CCDC102B: variants seen among roughly 807,000 people sequenced by gnomAD.
The protein encoded by CCDC102B is coiled-coil domain containing 102B.
Under a neutral mutation model 57.4 loss-of-function variants are expected in CCDC102B, and 75 were observed. The observed-to-expected ratio is 1.31, with a 90% CI of 1.08 to 1.58. The LOEUF (loss-of-function observed/expected upper bound fraction) is 1.58. Ranked by LOEUF, CCDC102B falls within the 40% of genes most tolerant of loss-of-function variation. The probability of loss-of-function intolerance (pLI) is 0.00; values close to 1 mark genes in which losing one functional copy is unlikely to be tolerated. For missense variants in CCDC102B, 636 were observed against 582.6 expected, an observed-to-expected ratio of 1.09 and a Z score of -0.94; for synonymous variants, 206 against 201.9, an observed-to-expected ratio of 1.02 and a Z score of -0.17.
intron 2 of CCDC102B, among the ~76,000 whole-genome samples, chr18:68,741,635 T>G (rs1009707591): frequency 6.7e-6 from 1 of 148,300 alleles, no homozygotes; most frequent in Non-Finnish European, 1.5e-5. Flanking sequence ...AAAGGTCCCT[T>G]ACCCCAAATT....
rs1045210247 is a variant in CCDC102B at position 68,751,104 on chromosome 18, G to T, written c.-67+34510G>T. Among the ~76,000 whole-genome samples, 22 of 151,972 alleles carry T rather than the reference G, an allele frequency of 1.4e-4. No individual in the cohort carries two copies. In the East Asian group the frequency reaches 3.5e-3, roughly 24 times the overall value. On this transcript the variant is annotated intron_variant, in intron 2 of 3. Coordinates refer to the CCDC102B transcript ENST00000578970. The stretch of plus-strand genomic sequence containing the variant: ...ATAAAACAATAGAAAATAAAAAAGA[G>T]AAAGATATAGAGAAGATAGAAGATG...
chr18:68,797,726 T>C (rs1246758817), upstream of CCDC102B, among the ~76,000 whole-genome samples: 3 of 151,616 alleles, frequency 2.0e-5, no homozygotes, highest in African/African-American at 7.3e-5. Flanking sequence ...TAATTTCCTT[T>C]TAAATATTTT....
chr18:68,938,113 A>C (rs1031292975), intron 6 of CCDC102B, among the ~76,000 whole-genome samples: 1 of 152,056 alleles, frequency 6.6e-6, no homozygotes, highest in Non-Finnish European at 1.5e-5. Context: ...CTCAGACCTT[A>C]TTAAGTCAAA....
chr18:68,763,994 A>C (rs2034342983), intron 2 of CCDC102B, among the ~76,000 whole-genome samples: 1 of 152,050 alleles, frequency 6.6e-6, no homozygotes, highest in African/African-American at 2.4e-5. Flanking sequence ...TAAGAACTCC[A>C]TTACCCTTAC....
chr18:68,823,510 C>G (rs2036778256), intron 1 of CCDC102B: 2 of 152,190 alleles, frequency 1.3e-5, no homozygotes, highest in Non-Finnish European at 2.9e-5. Flanking sequence ...CAGTGATGAG[C>G]CTATGAGTGC....
chr18:69,045,902 C>G (rs2052552901), intron 7 of CCDC102B, among the ~76,000 whole-genome samples: 1 of 152,108 alleles, frequency 6.6e-6, no homozygotes, highest in Non-Finnish European at 1.5e-5. Flanking sequence ...ATAATGACCT[C>G]TAGCACAATC....
chr18:69,035,207 A>C lies in CCDC102B; in HGVS notation c.1435-18823A>C, dbSNP rs112413363. Among the ~76,000 whole-genome samples, 1,058 of 152,166 alleles carry C rather than the reference A, an allele frequency of 7.0e-3. 15 individuals are homozygous for C. Among genetic ancestry groups the C allele is most frequent in the African/African-American group, 0.023 (952 of 41,544 alleles). ...TCAAAGTTCAATAAATGATTTTAGC[A>C]ATTCATTTATCCAACAATAGCTTGT... On this transcript the variant is annotated intron_variant, in intron 7 of 7. Transcript: ENST00000360242.
At chr18:69,001,588 A>G (rs1425998297) in intron 6 of CCDC102B, among the ~76,000 whole-genome samples, 1 of 152,138 alleles carries the variant, frequency 6.6e-6, no homozygotes, top group East Asian at 1.9e-4. Flanking sequence ...ACCCAGGAAG[A>G]GAAGGGGCCA....
chr18:68,984,330 A>C (rs1414882500), intron 6 of CCDC102B, among the ~76,000 whole-genome samples: 1 of 152,096 alleles, frequency 6.6e-6, no homozygotes, highest in Non-Finnish European at 1.5e-5. Context: ...ACACAAATTC[A>C]ACTATAGAAA....
intron 6 of CCDC102B, among the ~76,000 whole-genome samples, chr18:68,924,578 T>A (rs1487011918): frequency 6.6e-6 from 1 of 152,064 alleles, no homozygotes; most frequent in Non-Finnish European, 1.5e-5. Context: ...AAACACCCAT[T>A]TACACCCAGA....
intron 2 of CCDC102B, 73 bp downstream of exon 2, chr18:68,837,442 A>G: frequency 5.6e-6 from 8 of 1,423,976 alleles, no homozygotes; most frequent in Non-Finnish European, 7.6e-6. Context: ...GAAGGAAGTG[A>G]CAAATGCAAT....
chr18:68,807,181 G>T (rs554333531), intron 1 of CCDC102B, among the ~76,000 whole-genome samples: 54 of 152,198 alleles, frequency 3.5e-4, no homozygotes, highest in African/African-American at 1.3e-3. Context: ...TTGATACTGA[G>T]AAGTATGTTA....
intron 2 of CCDC102B, among the ~76,000 whole-genome samples, chr18:68,748,475 T>C (rs2033717090): frequency 1.3e-5 from 2 of 152,052 alleles, no homozygotes; most frequent in African/African-American, 4.8e-5. Context: ...GTGGCAGAAA[T>C]TTCCTAATTT....
chr18:68,978,263 A>T (rs540880269), intron 6 of CCDC102B, among the ~76,000 whole-genome samples: 1 of 152,148 alleles, frequency 6.6e-6, no homozygotes, highest in Non-Finnish European at 1.5e-5. Flanking sequence ...TAGCCTAACA[A>T]TTACTATCCC....
At chr18:69,042,590 C>T (rs995123380) in intron 7 of CCDC102B, among the ~76,000 whole-genome samples, 1 of 152,006 alleles carries the variant, frequency 6.6e-6, no homozygotes. Flanking sequence ...CACCCTGTAC[C>T]TCAGTACCCT....
At position 69,001,121 on chromosome 18, in the gene CCDC102B, A is replaced by G. The variant is rs184526926; in HGVS notation, c.1264-9813A>G. Among the ~76,000 whole-genome samples, 52 of 152,214 alleles carry G rather than the reference A, an allele frequency of 3.4e-4. 1 individual carries two copies. Among genetic ancestry groups the G allele is most frequent in the African/African-American group, 1.2e-3 (48 of 41,546 alleles). The stretch of plus-strand genomic sequence containing the variant: ...TCTTTTGATCTTGGCATGTGCTGCT[A>G]TTTCTGCCCAGAGAGACTTCCTCTC... On this transcript the variant is annotated intron_variant, in intron 6 of 7. Transcript: ENST00000360242.
At chr18:68,798,529 A>G (rs1268637274) in intron 1 of CCDC102B, 1 of 152,194 alleles carries the variant, frequency 6.6e-6, no homozygotes, top group Non-Finnish European at 1.5e-5. Flanking sequence ...TTCCAAATGA[A>G]TGTGAATTAG....
chr18:69,054,973 T>C lies in CCDC102B; in HGVS notation c.*836T>C. ...AAACTTTTATGTACATTATAGTTTA[T>C]TGCTTCATATTTAAGTTTAGTTTTT... On this transcript the variant is annotated 3_prime_UTR_variant, in exon 8 of 8. Coordinates refer to ENST00000360242, the MANE Select transcript of CCDC102B (RefSeq NM_024781.3). 1.0e-6 allele frequency: 1 copy of C among 981,920 alleles called. No homozygotes were observed. Among genetic ancestry groups the C allele is most frequent in the Non-Finnish European group, 1.2e-6 (1 of 826,840 alleles). The allele number at this position is 981,920 out of a possible 1,614,324, so 60.8% of individuals were successfully genotyped here. A position where few individuals can be genotyped will look rare whatever the true frequency, so the allele number is the denominator to read the frequency against.
intron 2 of CCDC102B, among the ~76,000 whole-genome samples, chr18:68,775,576 G>T (rs2034783061): frequency 6.6e-6 from 1 of 151,452 alleles, no homozygotes; most frequent in African/African-American, 2.4e-5. Flanking sequence ...CACAGGAAAT[G>T]CTGGTATTTC....
Sources: gnomAD v4.1 joint callset for allele counts (sites outside exome capture counted in the v4.1 genomes callset) on GRCh38, gnomAD v4.1.1 for gene constraint, MANE v1.5 for transcripts, NCBI Gene and HGNC (gene_info 2026-07-23, HGNC 2026-07-21) for gene names.